Variants in B3GALT1 observed in about 807,000 individuals in gnomAD.
B3GALT1 encodes beta-1,3-galactosyltransferase 1.
In B3GALT1, 10 loss-of-function variants were observed where a neutral mutation model predicts 23.2. The ratio of observed to expected loss-of-function variants is 0.43; its 90% confidence interval spans 0.27 to 0.73. The LOEUF (loss-of-function observed/expected upper bound fraction) is 0.73, where lower values mean the gene tolerates loss of function less well. Among genes scored for constraint, B3GALT1 ranks in the 30% least tolerant of loss-of-function variants. The pLI is 0.21. For missense variants in B3GALT1, 299 were observed against 405.4 expected (o/e 0.74, Z 2.25); for synonymous variants, 156 against 141.5 (o/e 1.10, Z -0.73).
intron 3 of B3GALT1, among the ~76,000 whole-genome samples, chr2:167,788,987 G>A (rs1688387597): frequency 1.3e-5 from 2 of 152,216 alleles, no homozygotes; most frequent in African/African-American, 2.4e-5. Flanking sequence ...GGCACTTCCA[G>A]AGATGACTTG....
intron 2 of B3GALT1, among the ~76,000 whole-genome samples, chr2:167,621,089 C>CTT (rs35420239): frequency 0.65 from 84,184 of 129,034 alleles, 28,561 homozygotes; most frequent in Admixed American, 0.76. Flanking sequence ...TTTTTCAGTT[C>CTT]TTTTTTTTTT....
At chr2:167,572,084 T>C (rs1050715610) in intron 2 of B3GALT1, among the ~76,000 whole-genome samples, 1 of 151,814 alleles carries the variant, frequency 6.6e-6, no homozygotes, top group Non-Finnish European at 1.5e-5. Flanking sequence ...CATATTATGT[T>C]ATTAGAAGTC....
At chr2:167,483,942 C>A (rs1344614185) in intron 1 of B3GALT1, among the ~76,000 whole-genome samples, 4 of 152,176 alleles carry the variant, frequency 2.6e-5, no homozygotes, top group Admixed American at 6.5e-5. Context: ...CCCTCTGTCT[C>A]TATTGCACAC....
chr2:167,614,047 A>G (rs189342473), intron 2 of B3GALT1, among the ~76,000 whole-genome samples: 207 of 151,950 alleles, frequency 1.4e-3, no homozygotes, highest in Admixed American at 3.3e-3. Flanking sequence ...GTTCTAGCAA[A>G]TGTAATAAAA....
chr2:167,408,453 T>A (rs986828239), intron 1 of B3GALT1, among the ~76,000 whole-genome samples: 1 of 152,066 alleles, frequency 6.6e-6, no homozygotes, highest in Non-Finnish European at 1.5e-5. Context: ...TCAAAGGAGA[T>A]GAACAGGACA....
intron 3 of B3GALT1, among the ~76,000 whole-genome samples, chr2:167,762,595 A>C (rs1687914260): frequency 6.6e-6 from 1 of 151,948 alleles, no homozygotes; most frequent in Non-Finnish European, 1.5e-5. Context: ...AAAAAAAAAA[A>C]ACACTAATGA....
intron 1 of B3GALT1, among the ~76,000 whole-genome samples, chr2:167,401,790 G>A (rs1303869029): frequency 1.3e-5 from 2 of 152,154 alleles, no homozygotes; most frequent in African/African-American, 2.4e-5. Context: ...AAACCGTGAA[G>A]GGAAGAGTCA....
chr2:167,810,683 C>T (rs1252462628), intron 3 of B3GALT1, among the ~76,000 whole-genome samples: 1 of 150,832 alleles, frequency 6.6e-6, no homozygotes, highest in Non-Finnish European at 1.5e-5. Context: ...CTTGCTAAGC[C>T]TCATAGATCC....
At chr2:167,800,132 G>A (rs774251997) in intron 3 of B3GALT1, among the ~76,000 whole-genome samples, 8 of 152,172 alleles carry the variant, frequency 5.3e-5, no homozygotes, top group Non-Finnish European at 1.0e-4. Context: ...AAAAGTTCAT[G>A]CTGGGTGAAA....
chr2:167,556,547 T>A (rs1337804357), intron 2 of B3GALT1, among the ~76,000 whole-genome samples: 1 of 152,182 alleles, frequency 6.6e-6, no homozygotes, highest in African/African-American at 2.4e-5. Context: ...TTAAAACTTG[T>A]CTTTTTAATT....
intron 3 of B3GALT1, chr2:167,714,903 G>C: frequency 6.2e-7 from 1 of 1,611,368 alleles, no homozygotes; most frequent in Non-Finnish European, 8.5e-7. Flanking sequence ...TCTTGATATA[G>C]TTCAGTCATT....
intron 3 of B3GALT1, among the ~76,000 whole-genome samples, chr2:167,742,312 T>C (rs764701611): frequency 6.6e-6 from 1 of 152,138 alleles, no homozygotes; most frequent in African/African-American, 2.4e-5. Flanking sequence ...CACTGCAGTG[T>C]AGGGACAGGT....
intron 4 of B3GALT1, among the ~76,000 whole-genome samples, chr2:167,823,578 T>C (rs1449364049): frequency 6.6e-6 from 1 of 152,240 alleles, no homozygotes; most frequent in African/African-American, 2.4e-5. Context: ...TACCCAGTTT[T>C]CATGTTAAAA....
At chr2:167,770,154 T>C (rs1391591498) in intron 3 of B3GALT1, among the ~76,000 whole-genome samples, 1 of 152,240 alleles carries the variant, frequency 6.6e-6, no homozygotes, top group Non-Finnish European at 1.5e-5. Context: ...CCACCCAGGC[T>C]AGAATGCAGT....
At chr2:167,744,830 C>T (rs868622561) in intron 3 of B3GALT1, among the ~76,000 whole-genome samples, 13 of 152,082 alleles carry the variant, frequency 8.5e-5, no homozygotes, top group Admixed American at 5.2e-4. Context: ...CCTCGTGATC[C>T]GCCTGCCTCG....
intron 1 of B3GALT1, among the ~76,000 whole-genome samples, chr2:167,387,049 C>T (rs1224885789): frequency 6.7e-6 from 1 of 149,302 alleles, no homozygotes; most frequent in African/African-American, 2.6e-5. Context: ...GGTAAGGAAA[C>T]TGCCTTGGAA....
At chr2:167,520,210 A>G (rs565777215) in intron 2 of B3GALT1, among the ~76,000 whole-genome samples, 2 of 152,314 alleles carry the variant, frequency 1.3e-5, no homozygotes, top group East Asian at 3.9e-4. Context: ...TGATACCAGC[A>G]TTTTAGTCCA....
intron 2 of B3GALT1, among the ~76,000 whole-genome samples, chr2:167,565,878 T>C (rs944146796): frequency 5.9e-5 from 9 of 151,706 alleles, no homozygotes; most frequent in African/African-American, 1.5e-4. Flanking sequence ...TGTGGAGAAA[T>C]AGGAACACTT....
chr2:167,504,295 GATACAAT>G (rs928899791), intron 2 of B3GALT1, among the ~76,000 whole-genome samples: 22 of 152,232 alleles, frequency 1.4e-4, no homozygotes, highest in Admixed American at 6.5e-4. Flanking sequence ...AATTGGAATG[GATACAAT>G]TCTAGCCTAG....
Sources: allele counts gnomAD v4.1 joint callset (sites outside exome capture counted in the v4.1 genomes callset), GRCh38; gene constraint gnomAD v4.1.1; transcripts MANE v1.5; gene names NCBI Gene and HGNC (gene_info 2026-07-23, HGNC 2026-07-21).